Variants in STXBP5L observed in about 807,000 individuals in gnomAD.
STXBP5L encodes the protein syntaxin-binding protein 5-like.
Under a neutral mutation model 144.5 loss-of-function variants are expected in STXBP5L, and 65 were observed. The ratio of observed to expected loss-of-function variants is 0.45; its 90% confidence interval spans 0.37 to 0.55. STXBP5L has a LOEUF of 0.55. STXBP5L is among the 20% of genes least tolerant of loss of function. STXBP5L has a pLI of 0.00. For missense variants in STXBP5L, 1,298 were observed against 1,405.5 expected (o/e 0.92, Z 1.22); for synonymous variants, 505 against 469.6 (o/e 1.08, Z -0.97).
chr3:120,992,491 C>T (rs1393264744), intron 3 of STXBP5L, among the ~76,000 whole-genome samples: 1 of 152,076 alleles, frequency 6.6e-6, no homozygotes, highest in Non-Finnish European at 1.5e-5. Context: ...TACCATTCTA[C>T]ACTCTACCTT....
At chr3:121,297,980 T>G (rs1233321852) in intron 19 of STXBP5L, among the ~76,000 whole-genome samples, 2 of 152,236 alleles carry the variant, frequency 1.3e-5, no homozygotes, top group Non-Finnish European at 2.9e-5. Context: ...TTTTCAATTA[T>G]TTTGGATAAA....
chr3:121,012,919 C>G (rs1014987855), intron 3 of STXBP5L, among the ~76,000 whole-genome samples: 1 of 151,978 alleles, frequency 6.6e-6, no homozygotes, highest in Middle Eastern at 3.4e-3. Flanking sequence ...TGTTTAGTTC[C>G]TACTTACAAG....
chr3:121,313,477 C>A (rs1461216941), intron 19 of STXBP5L, among the ~76,000 whole-genome samples: 1 of 89,456 alleles, frequency 1.1e-5, no homozygotes, highest in Non-Finnish European at 2.2e-5. Flanking sequence ...GGGCGACTGG[C>A]CGGGCAGAGG....
At chr3:121,325,113 T>TA (rs2044101718) in intron 20 of STXBP5L, among the ~76,000 whole-genome samples, 2 of 152,100 alleles carry the variant, frequency 1.3e-5, no homozygotes, top group Middle Eastern at 6.8e-3. Context: ...TGCTTTTTTT[T>TA]ACCCCATGCT....
At chr3:121,149,117 T>C (rs575592840) in intron 7 of STXBP5L, among the ~76,000 whole-genome samples, 2 of 152,044 alleles carry the variant, frequency 1.3e-5, no homozygotes, top group African/African-American at 2.4e-5. Flanking sequence ...GCTTGTATTG[T>C]TTTTCTTGTA....
intron 5 of STXBP5L, among the ~76,000 whole-genome samples, chr3:121,084,948 C>T (rs1462064330): frequency 1.3e-5 from 2 of 152,102 alleles, no homozygotes; most frequent in African/African-American, 2.4e-5. Flanking sequence ...TTTTAATTTG[C>T]ATTTCTCTAA....
rs749662793 is a variant in STXBP5L at position 121,419,427 on chromosome 3, T to G, written c.*330T>G. 4.1e-4 allele frequency: 82 copies of G among 197,926 alleles called. 2 individuals are homozygous for G. The highest frequency in any genetic ancestry group is 6.9e-4 in the Non-Finnish European group (68 of 98,898). The allele number at this position is 197,926 out of a possible 1,614,324, so 12.3% of individuals were successfully genotyped here. The stretch of plus-strand genomic sequence containing the variant: ...ATTCCTGTACAAACAAAAGCATTAA[T>G]GCACTTAATGAAAAAAAATCTTTGC... On this transcript the variant is annotated 3_prime_UTR_variant, in exon 27 of 27. Transcript: ENST00000471454.
chr3:121,359,421 T>C (rs1159791774), intron 20 of STXBP5L, among the ~76,000 whole-genome samples: 2 of 152,280 alleles, frequency 1.3e-5, no homozygotes, highest in African/African-American at 2.4e-5. Context: ...CTTCACTTTG[T>C]TGATTGTATC....
chr3:120,995,980 A>G lies in STXBP5L; in HGVS notation c.287+40943A>G, dbSNP rs199920264. Among the ~76,000 whole-genome samples, 4 of 152,190 alleles carry G rather than the reference A, an allele frequency of 2.6e-5. No homozygotes were observed. The East Asian group carries it at 7.7e-4, about 29-fold the overall frequency. On this transcript the variant is annotated intron_variant, in intron 3 of 26. Coordinates refer to ENST00000471454, the MANE Select transcript of STXBP5L (RefSeq NM_001308330.2). ...TATCTTAGTTTTTCTTCATCTGAGA[A>G]TGTCTTTATTTCACTCTCATTCCTG...
intron 22 of STXBP5L, among the ~76,000 whole-genome samples, chr3:121,399,829 G>GT (rs1196384408): frequency 6.6e-6 from 1 of 152,244 alleles, no homozygotes; most frequent in East Asian, 1.9e-4. Flanking sequence ...TTTATGGCTA[G>GT]TTTTGGGGCC....
chr3:121,077,100 A>G (rs1029841421), intron 5 of STXBP5L, among the ~76,000 whole-genome samples: 6 of 151,948 alleles, frequency 3.9e-5, no homozygotes, highest in African/African-American at 1.5e-4. Context: ...ACACTTTCAC[A>G]CACTTCCTCT....
At chr3:121,071,072 T>G (rs1385317427) in intron 5 of STXBP5L, among the ~76,000 whole-genome samples, 2 of 152,152 alleles carry the variant, frequency 1.3e-5, no homozygotes, top group African/African-American at 4.8e-5. Flanking sequence ...GTCACACCTT[T>G]TCTGGACCAG....
chr3:120,977,658 GGCATGATTTTGCA>G (rs1295540284), intron 3 of STXBP5L, among the ~76,000 whole-genome samples: 1 of 152,144 alleles, frequency 6.6e-6, no homozygotes, highest in Non-Finnish European at 1.5e-5. Context: ...TTTACAATTT[GGCATGATTTTGCA>G]GTGGCTGGTA....
intron 2 of STXBP5L, among the ~76,000 whole-genome samples, chr3:120,932,868 T>TA (rs941457582): frequency 6.6e-6 from 1 of 151,964 alleles, no homozygotes; most frequent in African/African-American, 2.4e-5. Context: ...TATGCAGCCA[T>TA]AAAAAATGAT....
chr3:120,992,768 C>T (rs1408207174), intron 3 of STXBP5L, among the ~76,000 whole-genome samples: 1 of 151,978 alleles, frequency 6.6e-6, no homozygotes, highest in Non-Finnish European at 1.5e-5. Flanking sequence ...AAACATGGAA[C>T]TGCAGATATT....
intron 3 of STXBP5L, among the ~76,000 whole-genome samples, chr3:121,016,033 A>G (rs1381569735): frequency 6.6e-6 from 1 of 152,236 alleles, no homozygotes; most frequent in Admixed American, 6.5e-5. Flanking sequence ...GTCCAAAGTC[A>G]AGAACAAAGG....
chr3:121,050,837 C>T (rs1310429418), intron 5 of STXBP5L, among the ~76,000 whole-genome samples: 1 of 152,064 alleles, frequency 6.6e-6, no homozygotes, highest in Non-Finnish European at 1.5e-5. Flanking sequence ...ATTCAGGAAA[C>T]CCATCTCATG....
intron 9 of STXBP5L, among the ~76,000 whole-genome samples, chr3:121,184,122 A>C (rs973582403): frequency 6.6e-6 from 1 of 152,104 alleles, no homozygotes; most frequent in Non-Finnish European, 1.5e-5. Flanking sequence ...CAGTGCAAAA[A>C]GGCTGAAAAT....
intron 5 of STXBP5L, among the ~76,000 whole-genome samples, chr3:121,097,370 A>C (rs3856575): frequency 0.21 from 32,445 of 151,992 alleles, 3,686 homozygotes; most frequent in Non-Finnish European, 0.26. Context: ...AAAGAAAAAC[A>C]CCTGCAGCTA....
Sources: gnomAD v4.1 joint callset for allele counts (sites outside exome capture counted in the v4.1 genomes callset) on GRCh38, gnomAD v4.1.1 for gene constraint, MANE v1.5 for transcripts, NCBI Gene and HGNC (gene_info 2026-07-23, HGNC 2026-07-21) for gene names.